The following PPP2R2B variants were observed in gnomAD, a reference collection of about 807,000 sequenced individuals.
The protein encoded by PPP2R2B is serine/threonine-protein phosphatase 2A 55 kDa regulatory subunit B beta isoform.
A neutral mutation model predicts 46.0 loss-of-function variants in PPP2R2B; 5 were observed. That is an observed-to-expected ratio of 0.11 (90% CI 0.06 to 0.23). The LOEUF (loss-of-function observed/expected upper bound fraction) is 0.23. Ranked by LOEUF, PPP2R2B falls within the 10% of genes least tolerant of loss-of-function variation. The pLI is 1.00. For missense variants in PPP2R2B, 367 were observed against 575.0 expected (o/e 0.64, Z 3.70); for synonymous variants, 215 against 206.7 (o/e 1.04, Z -0.34).
intron 2 of PPP2R2B, among the ~76,000 whole-genome samples, chr5:146,838,184 A>G (rs147831539): frequency 1.7e-3 from 262 of 152,314 alleles, no homozygotes; most frequent in African/African-American, 6.0e-3. Context: ...TAATACTTAT[A>G]TTGTGACAAA....
At chr5:147,077,437 G>A (rs1054613640) in intron 2 of PPP2R2B, among the ~76,000 whole-genome samples, 4 of 151,796 alleles carry the variant, frequency 2.6e-5, no homozygotes, top group African/African-American at 9.7e-5. Context: ...GTAAGTGATA[G>A]AACTGAAATA....
chr5:146,618,774 T>C (rs987578380), intron 7 of PPP2R2B, among the ~76,000 whole-genome samples: 1 of 152,218 alleles, frequency 6.6e-6, no homozygotes, highest in Non-Finnish European at 1.5e-5. Context: ...ATGCTGGTGC[T>C]GTACACCCAT....
At chr5:146,712,255 C>G (rs892012623) in intron 2 of PPP2R2B, among the ~76,000 whole-genome samples, 1 of 152,170 alleles carries the variant, frequency 6.6e-6, no homozygotes, top group African/African-American at 2.4e-5. Context: ...CTTTCTCCCT[C>G]CCTCCTTCTA....
chr5:147,006,986 C>G (rs1226899610), intron 1 of PPP2R2B, among the ~76,000 whole-genome samples: 1 of 152,176 alleles, frequency 6.6e-6, no homozygotes, highest in Non-Finnish European at 1.5e-5. Context: ...CCTGTGACAG[C>G]CATCTTGCTA....
At chr5:146,811,551 C>T (rs1241604668) in intron 2 of PPP2R2B, among the ~76,000 whole-genome samples, 2 of 140,544 alleles carry the variant, frequency 1.4e-5, no homozygotes, top group Non-Finnish European at 3.0e-5. Context: ...ATAGGATCAA[C>T]TATGTATTTT....
intron 1 of PPP2R2B, among the ~76,000 whole-genome samples, chr5:146,962,397 G>A (rs751161080): frequency 7.9e-5 from 12 of 151,782 alleles, no homozygotes; most frequent in Non-Finnish European, 1.6e-4. Flanking sequence ...GGTGGCTCAT[G>A]CCTGTAATCC....
At chr5:146,756,117 C>T (rs1386429290) in intron 2 of PPP2R2B, among the ~76,000 whole-genome samples, 1 of 152,164 alleles carries the variant, frequency 6.6e-6, no homozygotes, top group African/African-American at 2.4e-5. Context: ...ATTTCCTTCT[C>T]TTGACTACTG....
intron 1 of PPP2R2B, among the ~76,000 whole-genome samples, chr5:146,988,697 C>A (rs1753547056): frequency 6.6e-6 from 1 of 151,534 alleles, no homozygotes; most frequent in African/African-American, 2.4e-5. Flanking sequence ...TAACATTATA[C>A]CTCAAGGAAC....
chr5:146,649,584 A>C (rs1354300868), intron 6 of PPP2R2B, among the ~76,000 whole-genome samples: 1 of 152,054 alleles, frequency 6.6e-6, no homozygotes, highest in South Asian at 2.1e-4. Context: ...AACTGGGACT[A>C]CAGGCGCCCG....
chr5:146,821,685 A>G (rs1281424659), intron 2 of PPP2R2B, among the ~76,000 whole-genome samples: 1 of 152,196 alleles, frequency 6.6e-6, no homozygotes, highest in Non-Finnish European at 1.5e-5. Context: ...ATTAGAAATA[A>G]GTGAAAAAAT....
At position 146,638,283 on chromosome 5, in the gene PPP2R2B, C is replaced by T. The variant is rs761837375; in HGVS notation, c.758G>A (p.Arg253Gln). The change falls in exon 7 of 10, where the codon CGG becomes CAG. Residue 253 changes from arginine to glutamine, a missense_variant. This residue lies in a region of PPP2R2B where 361 missense variants were observed against 545.5 expected (regional missense o/e 0.66). Transcript: ENST00000394411. ...SKGTIRLCDM[R>Q]ASALCDRHTK... is the part of the protein sequence containing the mutation. ...GTGCCTGTCACACAGGGCAGATGCC[C>T]GCATGTCACACAGCCGGATTGTCCC... 1.9e-6 allele frequency: 3 copies of T among 1,613,816 alleles called. No individual in the cohort carries two copies. Among genetic ancestry groups the T allele is most frequent in the South Asian group, 1.1e-5 (1 of 91,030 alleles).
At chr5:147,014,564 T>C (rs371375306) in intron 1 of PPP2R2B, among the ~76,000 whole-genome samples, 1 of 152,104 alleles carries the variant, frequency 6.6e-6, no homozygotes, top group East Asian at 1.9e-4. Flanking sequence ...CCATAAAAAA[T>C]GATGAGTTCA....
chr5:146,620,665 C>A (rs1369710214), intron 7 of PPP2R2B, among the ~76,000 whole-genome samples: 1 of 152,152 alleles, frequency 6.6e-6, no homozygotes, highest in Admixed American at 6.5e-5. Context: ...ATGGCAGCAT[C>A]CCCAGGCCCC....
At chr5:146,594,032 G>C (rs1470156906) in intron 8 of PPP2R2B, among the ~76,000 whole-genome samples, 3 of 152,052 alleles carry the variant, frequency 2.0e-5, no homozygotes, top group African/African-American at 4.8e-5. Context: ...CTGAGGTGTG[G>C]AGAGAAAAAC....
At chr5:146,935,827 C>A (rs899654718) in intron 1 of PPP2R2B, among the ~76,000 whole-genome samples, 8 of 152,142 alleles carry the variant, frequency 5.3e-5, no homozygotes, top group Non-Finnish European at 7.3e-5. Flanking sequence ...TGAGACCTAA[C>A]TTTTGAGGTC....
At chr5:146,921,588 G>A (rs1326507189) in intron 1 of PPP2R2B, among the ~76,000 whole-genome samples, 1 of 152,194 alleles carries the variant, frequency 6.6e-6, no homozygotes, top group Non-Finnish European at 1.5e-5. Context: ...GTCACCTAAA[G>A]TTAAACATAA....
At chr5:146,905,727 A>G (rs1762975235) in intron 1 of PPP2R2B, among the ~76,000 whole-genome samples, 1 of 152,366 alleles carries the variant, frequency 6.6e-6, no homozygotes, top group African/African-American at 2.4e-5. Flanking sequence ...TGATAAGTGA[A>G]AGAAGTCAAA....
chr5:146,983,946 C>A (rs963889886), intron 1 of PPP2R2B, among the ~76,000 whole-genome samples: 5 of 151,670 alleles, frequency 3.3e-5, no homozygotes, highest in African/African-American at 1.2e-4. Context: ...TCTTTCTAAA[C>A]ATTTTTATTA....
chr5:146,714,151 A>C (rs1407714301), intron 2 of PPP2R2B, among the ~76,000 whole-genome samples: 1 of 152,148 alleles, frequency 6.6e-6, no homozygotes, highest in Non-Finnish European at 1.5e-5. Context: ...AAATCAAAGA[A>C]ACGTAATGTC....
Sources: gnomAD v4.1 joint callset for allele counts (sites outside exome capture counted in the v4.1 genomes callset) on GRCh38, gnomAD v4.1.1 for gene constraint, gnomAD v4.1.1 regional missense constraint, MANE v1.5 for transcripts, NCBI Gene and HGNC (gene_info 2026-07-23, HGNC 2026-07-21) for gene names.